SORCS2: variants seen among roughly 807,000 people sequenced by gnomAD.
SORCS2 encodes VPS10 domain-containing receptor SorCS2.
SORCS2 carries 100 observed loss-of-function variants against 141.6 expected under a neutral mutation model. The observed-to-expected ratio is 0.71, with a 90% confidence interval of 0.60 to 0.83. The LOEUF (loss-of-function observed/expected upper bound fraction) is 0.83, where lower values mean the gene tolerates loss of function less well. Ranked by LOEUF, SORCS2 falls within the 40% of genes least tolerant of loss-of-function variation. The pLI, the probability that SORCS2 is intolerant of heterozygous loss-of-function variation, is 0.00. For missense variants in SORCS2, 1,646 were observed against 1,560.2 expected, an observed-to-expected ratio of 1.05 and a Z score of -0.93; for synonymous variants, 789 against 676.9, an observed-to-expected ratio of 1.17 and a Z score of -2.57.
At chr4:7,244,374 C>T (rs936971290) in intron 1 of SORCS2, among the ~76,000 whole-genome samples, 2 of 152,372 alleles carry the variant, frequency 1.3e-5, no homozygotes, top group East Asian at 1.9e-4. Context: ...TCCTATTCCC[C>T]GCAGATGCCA....
Position 7,480,844 on chromosome 4 carries a change from C to A in SORCS2, c.549-50686C>A, listed in dbSNP as rs1240891459. On this transcript the variant is annotated intron_variant, in intron 2 of 26. Transcript: ENST00000507866. ...AGGAGTGGAGAGCAGGTGTACCCCA[C>A]AGCGTGGCCTCCCTGGGTGGGTTCA... 2.6e-5 allele frequency among the ~76,000 whole-genome samples: 4 copies of A among 152,248 alleles called. No individual in the cohort carries two copies. The East Asian group carries it at 7.7e-4, about 29-fold the overall frequency.
intron 1 of SORCS2, among the ~76,000 whole-genome samples, chr4:7,210,002 G>A (rs563179937): frequency 5.3e-5 from 8 of 152,352 alleles, no homozygotes; most frequent in African/African-American, 1.9e-4. Context: ...CCTCTGGGAC[G>A]GGAGCAGATG....
At chr4:7,367,914 C>T (rs913606449) in intron 1 of SORCS2, among the ~76,000 whole-genome samples, 18 of 152,214 alleles carry the variant, frequency 1.2e-4, no homozygotes, top group Admixed American at 4.6e-4. Flanking sequence ...TCCTGCCACC[C>T]GGGCCAGTCC....
At chr4:7,551,922 A>C (rs1713737243) in intron 3 of SORCS2, among the ~76,000 whole-genome samples, 1 of 152,246 alleles carries the variant, frequency 6.6e-6, no homozygotes, top group Non-Finnish European at 1.5e-5. Flanking sequence ...GAATAATTAC[A>C]TGGGTAATTG....
chr4:7,512,114 A>G (rs1029434901), intron 2 of SORCS2, among the ~76,000 whole-genome samples: 18 of 152,274 alleles, frequency 1.2e-4, no homozygotes, highest in Non-Finnish European at 2.6e-4. Flanking sequence ...CCTGGGATCT[A>G]GGAGACCACA....
intron 2 of SORCS2, among the ~76,000 whole-genome samples, chr4:7,509,467 G>A (rs930929067): frequency 4.6e-5 from 7 of 152,174 alleles, no homozygotes; most frequent in Non-Finnish European, 1.0e-4. Flanking sequence ...GGGGGATGAC[G>A]GCACAGCCAG....
chr4:7,724,907 GT>G (rs1727072711), intron 19 of SORCS2, among the ~76,000 whole-genome samples: 1 of 55,986 alleles, frequency 1.8e-5, no homozygotes, highest in Non-Finnish European at 3.8e-5. Context: ...GGTGGTGATA[GT>G]ATTGGTGGGA....
At chr4:7,573,546 C>G (rs1479369565) in intron 3 of SORCS2, among the ~76,000 whole-genome samples, 3 of 152,196 alleles carry the variant, frequency 2.0e-5, no homozygotes, top group African/African-American at 7.2e-5. Context: ...GAGACAGCAT[C>G]TCGCTCTGTC....
chr4:7,262,451 C>T (rs942331186), intron 1 of SORCS2, among the ~76,000 whole-genome samples: 3 of 151,520 alleles, frequency 2.0e-5, no homozygotes, highest in African/African-American at 4.9e-5. Flanking sequence ...TCCTGTAGGC[C>T]ACTGCTTAAG....
Position 7,432,686 on chromosome 4 carries a change from G to T in SORCS2, c.548+36331G>T, listed in dbSNP as rs557121211. 294 of 143,510 alleles carry T rather than the reference G, an allele frequency of 2.0e-3. 1 individual carries two copies. Among genetic ancestry groups the T allele is most frequent in the Middle Eastern group, 7.2e-3 (2 of 276 alleles). 8.9% of individuals were successfully genotyped at this position (143,510 alleles called of 1,614,324 possible). On this transcript the variant is annotated intron_variant, in intron 2 of 26. Coordinates refer to ENST00000507866, the MANE Select transcript of SORCS2 (RefSeq NM_020777.3). ...AGGGACCCTGTAGTGGCTGAGACAT[G>T]GGGGGGGACTGCTCCGAAGCCCAGC... is the stretch of plus-strand genomic sequence containing the variant.
chr4:7,476,639 G>C (rs1181037436), intron 2 of SORCS2, among the ~76,000 whole-genome samples: 1 of 152,162 alleles, frequency 6.6e-6, no homozygotes, highest in Non-Finnish European at 1.5e-5. Flanking sequence ...GCCCCCAAGA[G>C]GAACAGCACT....
chr4:7,606,013 C>T lies in SORCS2; in HGVS notation c.649-32315C>T, dbSNP rs117305935. 8.8e-4 allele frequency among the ~76,000 whole-genome samples: 134 copies of T among 152,274 alleles called. 2 individuals are homozygous for T. The East Asian group carries it at 0.02, about 23-fold the overall frequency. On this transcript the variant is annotated intron_variant, in intron 3 of 26. Coordinates refer to ENST00000507866, the MANE Select transcript of SORCS2 (RefSeq NM_020777.3). Reference sequence around the variant, plus strand: ...CCACACGGGGGAACAGAAGAGCCACCGGAGCGTGGGGACACCACGTCAGGG... The same window carrying T: ...CCACACGGGGGAACAGAAGAGCCACTGGAGCGTGGGGACACCACGTCAGGG...
chr4:7,543,961 C>CATCCATCCATCCATCT lies in SORCS2; in HGVS notation c.648+12345_648+12346insTCTATCCATCCATCCA, dbSNP rs1196873615. 2.7e-3 allele frequency among the ~76,000 whole-genome samples: 324 copies of CATCCATCCATCCATCT among 119,980 alleles called. 22 individuals are homozygous for CATCCATCCATCCATCT. Among genetic ancestry groups the CATCCATCCATCCATCT allele is most frequent in the Middle Eastern group, 4.4e-3 (1 of 226 alleles). The allele number at this position is 119,980 out of a possible 152,430, so 78.7% of individuals were successfully genotyped here. On this transcript the variant is annotated intron_variant, in intron 3 of 26. Transcript: ENST00000507866. ...CCACCCATCCATCCATCCATCCATCCATCCATCCATCCACCCATCCGTCCA... is the reference window on the plus strand; with the variant it reads ...CCACCCATCCATCCATCCATCCATCCATCCATCCATCCATCTATCCATCCATCCACCCATCCGTCCA...
intron 1 of SORCS2, among the ~76,000 whole-genome samples, chr4:7,243,671 G>C (rs1349406621): frequency 6.6e-6 from 1 of 152,256 alleles, no homozygotes; most frequent in Non-Finnish European, 1.5e-5. Context: ...AAGGCCAGCG[G>C]GTGGTCGTTG....
intron 11 of SORCS2, among the ~76,000 whole-genome samples, chr4:7,695,051 C>T (rs1724510261): frequency 6.6e-6 from 1 of 151,800 alleles, no homozygotes; most frequent in East Asian, 2.0e-4. Flanking sequence ...GGCCACAGCT[C>T]ATTCAGCTCA....
Position 7,498,113 on chromosome 4 carries a change from T to TG in SORCS2, c.549-33411dup, listed in dbSNP as rs1366916882. On this transcript the variant is annotated intron_variant, in intron 2 of 26. Transcript: ENST00000507866. ...ACATTTCAAATGGCTGCCCTTCCAC[T>TG]GGGGGGCCAGGATGAGTCTGGAGTC... Among the ~76,000 whole-genome samples, 3 of 152,102 alleles carry TG rather than the reference T, an allele frequency of 2.0e-5. No individual in the cohort carries two copies. In the East Asian group the frequency reaches 5.8e-4, roughly 29 times the overall value.
intron 3 of SORCS2, among the ~76,000 whole-genome samples, chr4:7,600,164 T>C (rs542140205): frequency 2.2e-4 from 34 of 152,254 alleles, no homozygotes; most frequent in African/African-American, 7.9e-4. Context: ...ATGAGGGTGT[T>C]TGTGTAACCC....
At chr4:7,668,073 A>G (rs985218603) in intron 8 of SORCS2, among the ~76,000 whole-genome samples, 2 of 152,218 alleles carry the variant, frequency 1.3e-5, no homozygotes, top group Non-Finnish European at 1.5e-5. Context: ...TTATTTACTG[A>G]GCACCAAATA....
chr4:7,406,043 A>G (rs1263812321), intron 2 of SORCS2, among the ~76,000 whole-genome samples: 1 of 152,024 alleles, frequency 6.6e-6, no homozygotes, highest in African/African-American at 2.4e-5. Context: ...GATGTATCAT[A>G]TTTATTGATT....
Sources: gnomAD v4.1 joint callset for allele counts (sites outside exome capture counted in the v4.1 genomes callset) on GRCh38, gnomAD v4.1.1 for gene constraint, MANE v1.5 for transcripts, NCBI Gene and HGNC (gene_info 2026-07-23, HGNC 2026-07-21) for gene names.